SPATA16: variants seen among roughly 807,000 people sequenced by gnomAD.
SPATA16 encodes the protein spermatogenesis associated 16, also known as spermatogenesis-associated protein 16.
In SPATA16, 36 loss-of-function variants were observed where a neutral mutation model predicts 63.3. The observed-to-expected ratio is 0.57, with a 90% CI of 0.44 to 0.75. The LOEUF (loss-of-function observed/expected upper bound fraction) is 0.75. Ranked by LOEUF, SPATA16 falls within the 30% of genes least tolerant of loss-of-function variation. The pLI, the probability that SPATA16 is intolerant of heterozygous loss-of-function variation, is 0.00. For missense variants in SPATA16, 646 were observed against 679.3 expected, an observed-to-expected ratio of 0.95 and a Z score of 0.54; for synonymous variants, 203 against 216.7, an observed-to-expected ratio of 0.94 and a Z score of 0.56.
At chr3:173,047,511 A>C (rs1735984525) in intron 3 of SPATA16, among the ~76,000 whole-genome samples, 1 of 152,004 alleles carries the variant, frequency 6.6e-6, no homozygotes, top group Non-Finnish European at 1.5e-5. Context: ...AAGTCTATAA[A>C]TAGCTTTCAA....
chr3:172,911,902 A>G (rs1732378629), intron 10 of SPATA16, among the ~76,000 whole-genome samples: 1 of 152,102 alleles, frequency 6.6e-6, no homozygotes, highest in South Asian at 2.1e-4. Flanking sequence ...CTACTTTATA[A>G]CTGACTTCCC....
intron 4 of SPATA16, among the ~76,000 whole-genome samples, chr3:173,010,895 A>G (rs1288769226): frequency 1.3e-5 from 2 of 151,608 alleles, no homozygotes; most frequent in African/African-American, 2.4e-5. Flanking sequence ...TCGAAACCCA[A>G]CTCCCCTAGA....
intron 1 of SPATA16, among the ~76,000 whole-genome samples, chr3:173,125,235 T>A (rs527767246): frequency 6.6e-6 from 1 of 152,210 alleles, no homozygotes; most frequent in Non-Finnish European, 1.5e-5. Flanking sequence ...CTACCATCCG[T>A]CATTTGGTCC....
At chr3:173,055,186 T>C (rs1166010939) in intron 2 of SPATA16, among the ~76,000 whole-genome samples, 4 of 151,794 alleles carry the variant, frequency 2.6e-5, no homozygotes, top group Non-Finnish European at 5.9e-5. Context: ...GTTGAGAAAA[T>C]GGATTGCTCC....
intron 10 of SPATA16, among the ~76,000 whole-genome samples, chr3:172,899,763 G>A (rs1459934745): frequency 1.3e-5 from 2 of 151,924 alleles, no homozygotes; most frequent in Admixed American, 1.3e-4. Context: ...TAGAGTTTTT[G>A]ATATATCTTT....
At chr3:173,091,322 A>T (rs1737215648) in intron 2 of SPATA16, among the ~76,000 whole-genome samples, 1 of 145,560 alleles carries the variant, frequency 6.9e-6, no homozygotes, top group South Asian at 2.2e-4. Context: ...AAATATAATC[A>T]TTAATTTATT....
Position 172,982,099 on chromosome 3 carries a change from A to G in SPATA16, c.849-5047T>C, listed in dbSNP as rs186542953. 3.9e-5 allele frequency among the ~76,000 whole-genome samples: 6 copies of G among 152,348 alleles called. No individual in the cohort carries two copies. In the East Asian group the frequency reaches 9.6e-4, roughly 24 times the overall value. On this transcript the variant is annotated intron_variant, in intron 4 of 10. Coordinates refer to ENST00000351008, the MANE Select transcript of SPATA16 (RefSeq NM_031955.6). ...TAGTCACACAATAAATATTTGTTGA[A>G]TTAACAACTACACATTATCTTATTT...
intron 4 of SPATA16, among the ~76,000 whole-genome samples, chr3:172,985,955 T>C (rs1484915828): frequency 1.3e-5 from 2 of 152,182 alleles, no homozygotes; most frequent in East Asian, 3.9e-4. Flanking sequence ...TGGGAACTTC[T>C]GGTTTAAAAA....
intron 4 of SPATA16, among the ~76,000 whole-genome samples, chr3:173,012,542 A>G (rs1735095041): frequency 6.6e-6 from 1 of 152,232 alleles, no homozygotes. Context: ...ATAAGGCTAC[A>G]GTAAGCAAAA....
intron 3 of SPATA16, among the ~76,000 whole-genome samples, chr3:173,028,591 A>T (rs1225068762): frequency 1.3e-5 from 2 of 151,824 alleles, no homozygotes; most frequent in African/African-American, 4.9e-5. Flanking sequence ...CTGTTTAAAA[A>T]TAAAAAATCT....
chr3:172,997,000 T>A (rs1184196875), intron 4 of SPATA16, among the ~76,000 whole-genome samples: 2 of 152,154 alleles, frequency 1.3e-5, no homozygotes, highest in Non-Finnish European at 2.9e-5. Context: ...TATTCTATTG[T>A]CTAGATGTTC....
At chr3:172,961,101 C>T (rs879657142) in intron 5 of SPATA16, among the ~76,000 whole-genome samples, 34 of 145,278 alleles carry the variant, frequency 2.3e-4, no homozygotes, top group South Asian at 8.8e-4. Context: ...TTCCTTCCTT[C>T]CTTCCTTCCT....
chr3:172,938,825 AC>A (rs1372338041), intron 6 of SPATA16, among the ~76,000 whole-genome samples: 4 of 96,962 alleles, frequency 4.1e-5, no homozygotes, highest in African/African-American at 1.6e-4. Flanking sequence ...AGAGATCCAG[AC>A]CCCCCCACCC....
chr3:173,131,198 G>C (rs1047536073), intron 1 of SPATA16, among the ~76,000 whole-genome samples: 3 of 152,046 alleles, frequency 2.0e-5, no homozygotes, highest in Non-Finnish European at 4.4e-5. Flanking sequence ...CAAAGACATA[G>C]TTTAAAATTT....
At chr3:173,028,555 G>A (rs567819054) in intron 3 of SPATA16, among the ~76,000 whole-genome samples, 26 of 151,920 alleles carry the variant, frequency 1.7e-4, no homozygotes, top group Admixed American at 6.6e-4. Context: ...CACTGATGAC[G>A]TAAGCAAAAT....
At chr3:172,923,982 C>G (rs549142704) in intron 8 of SPATA16, among the ~76,000 whole-genome samples, 2 of 152,294 alleles carry the variant, frequency 1.3e-5, no homozygotes, top group East Asian at 3.9e-4. Flanking sequence ...TAAAGAGACA[C>G]TATCCTAATA....
intron 2 of SPATA16, among the ~76,000 whole-genome samples, chr3:173,079,269 G>A (rs944199655): frequency 3.3e-5 from 5 of 152,018 alleles, no homozygotes; most frequent in African/African-American, 4.8e-5. Context: ...TCATTATGAC[G>A]TGAAATCACT....
intron 4 of SPATA16, among the ~76,000 whole-genome samples, chr3:173,018,311 G>A (rs940936161): frequency 1.2e-4 from 18 of 144,380 alleles, no homozygotes; most frequent in African/African-American, 2.6e-4. Context: ...TTTCGCTCTC[G>A]TTGCCCAGGC....
chr3:172,976,854 C>A, intron 5 of SPATA16, 114 bp downstream of exon 5: 1 of 821,450 alleles, frequency 1.2e-6, no homozygotes, highest in Non-Finnish European at 2.1e-6. Flanking sequence ...TACCTTCTTT[C>A]TGATTGATAT....
Sources: gnomAD v4.1 joint callset for allele counts (sites outside exome capture counted in the v4.1 genomes callset) on GRCh38, gnomAD v4.1.1 for gene constraint, MANE v1.5 for transcripts, NCBI Gene and HGNC (gene_info 2026-07-23, HGNC 2026-07-21) for gene names.